BTBD7: variants seen among roughly 807,000 people sequenced by gnomAD.
BTBD7 encodes BTB/POZ domain-containing protein 7.
A neutral mutation model predicts 99.9 loss-of-function variants in BTBD7; 38 were observed. The observed-to-expected ratio is 0.38, with a 90% CI of 0.29 to 0.50. The LOEUF is 0.50. BTBD7 is among the 20% of genes least tolerant of loss of function. BTBD7 has a pLI of 0.93. For synonymous variants in BTBD7, 520 were observed against 511.4 expected (o/e 1.02, Z -0.23); for missense variants, 1,170 against 1,394.6 (o/e 0.84, Z 2.57).
At chr14:93,254,902 C>T (rs1447526872) in intron 6 of BTBD7, among the ~76,000 whole-genome samples, 1 of 152,114 alleles carries the variant, frequency 6.6e-6, no homozygotes, top group Non-Finnish European at 1.5e-5. Context: ...ATTTCCTAAC[C>T]AAAGTTCTAA....
intron 3 of BTBD7, among the ~76,000 whole-genome samples, chr14:93,283,751 T>C (rs1221309969): frequency 6.6e-6 from 1 of 152,106 alleles, no homozygotes; most frequent in Non-Finnish European, 1.5e-5. Context: ...GGGGTTTCAC[T>C]ATGTTGGTCA....
At chr14:93,283,962 C>T (rs1233937663) in intron 3 of BTBD7, among the ~76,000 whole-genome samples, 1 of 152,110 alleles carries the variant, frequency 6.6e-6, no homozygotes, top group Non-Finnish European at 1.5e-5. Context: ...ATAAATCAAA[C>T]AGGACAAGTA....
Position 93,253,660 on chromosome 14 carries a change from A to G in BTBD7, c.1739T>C (p.Val580Ala). The G allele has an allele frequency of 1.2e-6, 2 of 1,609,884 alleles. No individual in the cohort carries two copies. The highest frequency in any genetic ancestry group is 8.5e-7 in the Non-Finnish European group (1 of 1,176,984). Residue 580 changes from valine to alanine, a missense_variant, in exon 7 of 11, where the codon GTG becomes GCG. Physicochemically the swap from Val to Ala is moderately conservative, Grantham distance 64. Transcript: ENST00000334746. ...YVRPRLFSPY[V>A]EEAKSVLDEM... ...GGTTTTCATTACCTTTGCTTCTTCCACATAGGGAGAGAAGAGTCGAGGACG... is the reference window on the plus strand; with the variant it reads ...GGTTTTCATTACCTTTGCTTCTTCCGCATAGGGAGAGAAGAGTCGAGGACG...
intron 1 of BTBD7, 80 bp downstream of exon 1, chr14:93,332,740 C>T (rs1472087096): frequency 1.3e-5 from 18 of 1,421,310 alleles, no homozygotes; most frequent in African/African-American, 4.5e-5. Flanking sequence ...TAAGAACAGC[C>T]CCTTCCTCTC....
In BTBD7 at chr14:93,257,203, T is replaced by G. The variant is rs1182785354; in HGVS notation, c.1600A>C (p.Ser534Arg). Residue 534 changes from serine to arginine, a missense_variant, in exon 6 of 11, where the codon AGT becomes CGT. By Grantham distance (110) the Ser-to-Arg change is moderately radical. This residue lies in a region of BTBD7 where 309 missense variants were observed against 342.0 expected (regional missense o/e 0.90). Transcript: ENST00000334746. ...TGGAGAAAAACACTTACTGCATCAC[T>G]TAAGACTTCACTGTTTATAGGTAAG... ...HILPINSEVL[S>R]DAMKRGLIST... 2.5e-6 allele frequency: 4 copies of G among 1,613,640 alleles called. No individual in the cohort carries two copies. The Admixed American group carries it at 6.7e-5, about 27-fold the overall frequency.
At chr14:93,288,320 T>C in intron 3 of BTBD7, 1 of 593,356 alleles carries the variant, frequency 1.7e-6, no homozygotes, top group Non-Finnish European at 3.0e-6. Flanking sequence ...TAGTTTTATT[T>C]GTCTCCACTC....
rs1413073356 is a variant in BTBD7 at position 93,308,281 on chromosome 14, G to C, written c.-106-12124C>G. On this transcript the variant is annotated intron_variant, in intron 1 of 10. Transcript: ENST00000334746. ...CAGCCTAGGCGACAGAGCCAGACTCGGTCTCCAAAAAAAAAAAAAAAAAGA... is the reference window on the plus strand; with the variant it reads ...CAGCCTAGGCGACAGAGCCAGACTCCGTCTCCAAAAAAAAAAAAAAAAAGA... Among the ~76,000 whole-genome samples, 19 of 140,204 alleles carry C rather than the reference G, an allele frequency of 1.4e-4. No individual in the cohort carries two copies. The East Asian group carries it at 3.8e-3, about 28-fold the overall frequency. 92.0% of individuals were successfully genotyped at this position (140,204 alleles called of 152,430 possible).
chr14:93,287,481 G>A (rs1031992468), intron 3 of BTBD7: 1 of 151,836 alleles, frequency 6.6e-6, no homozygotes, highest in Non-Finnish European at 1.5e-5. Flanking sequence ...GCTTACTGCT[G>A]AGCCATGCTG....
intron 10 of BTBD7, among the ~76,000 whole-genome samples, chr14:93,243,852 G>T (rs773733887): frequency 2.0e-5 from 3 of 152,168 alleles, no homozygotes; most frequent in Non-Finnish European, 4.4e-5. Flanking sequence ...TAGAACTTTT[G>T]TAATTGTAGA....
intron 1 of BTBD7, among the ~76,000 whole-genome samples, chr14:93,322,768 C>G (rs750703005): frequency 2.6e-5 from 4 of 152,180 alleles, no homozygotes; most frequent in Non-Finnish European, 4.4e-5. Flanking sequence ...ATCCAATACA[C>G]AGTATCATAT....
At chr14:93,248,686 T>C in intron 8 of BTBD7, 32 bp from the exon 9 acceptor site, 1 of 1,552,496 alleles carries the variant, frequency 6.4e-7, no homozygotes, top group Non-Finnish European at 8.7e-7. Flanking sequence ...GCAAGCAAAA[T>C]TCCTGAGCTA....
chr14:93,251,573 G>A lies in BTBD7; in HGVS notation c.1832C>T (p.Thr611Met), dbSNP rs2139685092. ...CACGGCATTATTGACCATGTAGAGC[G>A]TGTCTGGCACATTGGACATTCTAAC... Reference protein sequence around the residue: ...RMVRMSNVPDTLYMVNNAVPQ... With the variant: ...RMVRMSNVPDMLYMVNNAVPQ... The change falls in exon 8 of 11, where the codon ACG (threonine) becomes ATG (methionine). Residue 611 changes from threonine to methionine, a missense_variant. Transcript: ENST00000334746. 1.2e-6 allele frequency: 2 copies of A among 1,613,962 alleles called. No homozygotes were observed. The highest frequency in any genetic ancestry group is 1.7e-6 in the Non-Finnish European group (2 of 1,179,900).
chr14:93,294,000 A>T lies in BTBD7; in HGVS notation c.1020T>A (p.Ser340=). 1 of 1,613,950 alleles carries T rather than the reference A, an allele frequency of 6.2e-7. No individual in the cohort carries two copies. Among genetic ancestry groups the T allele is most frequent in the East Asian group, 2.2e-5 (1 of 44,886 alleles). Residue 340 remains serine, a synonymous_variant, in exon 3 of 11, where the codon TCT becomes TCA. Coordinates refer to ENST00000334746, the MANE Select transcript of BTBD7 (RefSeq NM_001002860.4). ...HCMYTDVVDL[S]VLHCSPSVGS... ...CCACAGAGGGGCTACAGTGCAAAAC[A>T]GAGAGGTCCACCACGTCGGTATACA...
At chr14:93,283,862 C>CT (rs1160249410) in intron 3 of BTBD7, among the ~76,000 whole-genome samples, 23 of 152,086 alleles carry the variant, frequency 1.5e-4, no homozygotes, top group Non-Finnish European at 3.1e-4. Flanking sequence ...AATACAATGT[C>CT]TTTTAAGTAT....
intron 1 of BTBD7, among the ~76,000 whole-genome samples, chr14:93,327,662 G>GTT (rs1430043592): frequency 6.6e-6 from 1 of 152,184 alleles, no homozygotes; most frequent in Non-Finnish European, 1.5e-5. Context: ...AAAAACTCAT[G>GTT]TTAGTATCAT....
intron 3 of BTBD7, among the ~76,000 whole-genome samples, chr14:93,285,186 C>T (rs1275047203): frequency 1.3e-5 from 2 of 152,002 alleles, no homozygotes; most frequent in East Asian, 1.9e-4. Flanking sequence ...AATATGTAGA[C>T]AGTGGAGGTT....
intron 3 of BTBD7, among the ~76,000 whole-genome samples, chr14:93,268,350 T>G (rs1018209672): frequency 6.6e-6 from 1 of 152,188 alleles, no homozygotes; most frequent in African/African-American, 2.4e-5. Flanking sequence ...TACTACTATA[T>G]CTTTCTTATA....
At chr14:93,260,222 C>G (rs2139700594) in intron 5 of BTBD7, among the ~76,000 whole-genome samples, 1 of 152,262 alleles carries the variant, frequency 6.6e-6, no homozygotes, top group South Asian at 2.1e-4. Flanking sequence ...AATCCACTGA[C>G]TTGAACACTT....
chr14:93,250,011 T>C (rs2052353551), intron 8 of BTBD7, among the ~76,000 whole-genome samples: 3 of 152,312 alleles, frequency 2.0e-5, no homozygotes, highest in Admixed American at 2.0e-4. Flanking sequence ...CTCCTAATTC[T>C]TGAAAGGAGG....
Sources: gnomAD v4.1 joint callset for allele counts (sites outside exome capture counted in the v4.1 genomes callset) on GRCh38, gnomAD v4.1.1 for gene constraint, gnomAD v4.1.1 regional missense constraint, MANE v1.5 for transcripts, NCBI Gene and HGNC (gene_info 2026-07-23, HGNC 2026-07-21) for gene names.